The following WWP2 variants were observed in gnomAD, a reference collection of about 807,000 sequenced individuals.
WWP2 encodes WW domain containing E3 ubiquitin protein ligase 2, also known as NEDD4-like E3 ubiquitin-protein ligase WWP2.
WWP2 carries 57 observed loss-of-function variants against 121.0 expected under a neutral mutation model. The ratio of observed to expected loss-of-function variants is 0.47; its 90% confidence interval spans 0.38 to 0.59. The LOEUF (loss-of-function observed/expected upper bound fraction) is 0.59. WWP2 is among the 20% of genes least tolerant of loss of function. WWP2 has a pLI of 0.00. For missense variants in WWP2, 962 were observed against 1,158.9 expected (o/e 0.83, Z 2.47); for synonymous variants, 449 against 441.3 (o/e 1.02, Z -0.22).
At chr16:69,930,344 G>C in intron 13 of WWP2, 86 bp downstream of exon 13, 5 of 1,566,716 alleles carry the variant, frequency 3.2e-6, no homozygotes, top group Non-Finnish European at 4.3e-6. Flanking sequence ...CACTTTGGGT[G>C]GCCCCTGTGG....
At chr16:69,774,682 T>C (rs565309069) in intron 1 of WWP2, 1 of 152,344 alleles carries the variant, frequency 6.6e-6, no homozygotes, top group East Asian at 1.9e-4. Flanking sequence ...TTTTAATTTC[T>C]ATTTTGGCCA....
At position 69,782,775 on chromosome 16, in the gene WWP2, T is replaced by C. The variant is rs141219440; in HGVS notation, c.-15-4221T>C. On this transcript the variant is annotated intron_variant, in intron 1 of 23. Coordinates refer to ENST00000359154, the MANE Select transcript of WWP2 (RefSeq NM_001270454.2). ...ATCTTGGAGCGTGACATTGTTTGAC[T>C]TTAGCTATGGAAAATGTCAACATCA... Among the ~76,000 whole-genome samples, 4 of 152,342 alleles carry C rather than the reference T, an allele frequency of 2.6e-5. No individual in the cohort carries two copies. The East Asian group carries it at 7.7e-4, about 29-fold the overall frequency.
intron 1 of WWP2, 93 bp downstream of exon 1, chr16:69,762,484 CGCGGCCCGGGCGTCGGGGG>C (rs1460252572): frequency 6.8e-6 from 1 of 147,242 alleles, no homozygotes; most frequent in Non-Finnish European, 1.5e-5. Context: ...CCGGGGGCGG[CGCGGCCCGGGCGTCGGGGG>C]GCGGCGGCTT....
chr16:69,796,257 C>T (rs557635215), intron 2 of WWP2, among the ~76,000 whole-genome samples: 11 of 152,210 alleles, frequency 7.2e-5, no homozygotes, highest in Admixed American at 6.5e-5. Flanking sequence ...TGTGTATGAG[C>T]GCAGATACTT....
At chr16:69,939,449 C>T (rs1457478428) in intron 23 of WWP2, 36 bp downstream of exon 23, 4 of 1,610,934 alleles carry the variant, frequency 2.5e-6, no homozygotes, top group Non-Finnish European at 3.4e-6. Context: ...GTCGGGGGGC[C>T]TCAGACCCGA....
intron 8 of WWP2, among the ~76,000 whole-genome samples, chr16:69,888,755 A>C (rs1457527021): frequency 6.6e-6 from 1 of 151,498 alleles, no homozygotes; most frequent in African/African-American, 2.4e-5. Flanking sequence ...CCCAGGCTGG[A>C]GTGCAATGGC....
intron 2 of WWP2, among the ~76,000 whole-genome samples, chr16:69,794,640 C>G (rs1480747267): frequency 6.6e-6 from 1 of 152,190 alleles, no homozygotes; most frequent in East Asian, 1.9e-4. Flanking sequence ...CAACTATGTC[C>G]GATTTCTCTG....
rs1207279224 is a variant in WWP2, at chr16:69,930,218, A to T, written c.1405A>T (p.Thr469Ser). 6.2e-7 allele frequency: 1 copy of T among 1,614,090 alleles called. No homozygotes were observed. The highest frequency in any genetic ancestry group is 8.5e-7 in the Non-Finnish European group (1 of 1,179,988). The change falls in exon 13 of 24, where the codon ACC (threonine) becomes TCC (serine). Residue 469 changes from threonine to serine, a missense_variant. Physicochemically the swap from Thr to Ser is moderately conservative, Grantham distance 58 (BLOSUM62 1). Around this residue, in one of 3 missense-constraint regions of WWP2, gnomAD observed 606 missense variants for 772.6 expected, o/e 0.78. Coordinates refer to ENST00000359154, the MANE Select transcript of WWP2 (RefSeq NM_001270454.2). Reference protein sequence around the residue: ...VRYFVDHNTRTTTFKDPRPGF... With the variant: ...VRYFVDHNTRSTTFKDPRPGF... ...ATACTTTGTGGACCACAATACCCGC[A>T]CCACCACCTTTAAGGATCCTCGCCC...
At position 69,937,857 on chromosome 16, in the gene WWP2, G is replaced by A. The variant is rs570053408; in HGVS notation, c.2343+205G>A. 2.7e-3 allele frequency among the ~76,000 whole-genome samples: 409 copies of A among 152,280 alleles called. 2 individuals are homozygous for A. Among genetic ancestry groups the A allele is most frequent in the Non-Finnish European group, 4.2e-3 (284 of 68,006 alleles). Reference sequence around the variant, plus strand: ...TGGCCAGTGGATGTGACAGGAGGTCGTCAGTGGTCAGCCTTGGGCCAGCTG... The same window carrying A: ...TGGCCAGTGGATGTGACAGGAGGTCATCAGTGGTCAGCCTTGGGCCAGCTG... On this transcript the variant is annotated intron_variant, in intron 21 of 23. Coordinates refer to ENST00000359154, the MANE Select transcript of WWP2 (RefSeq NM_001270454.2). The surrounding 1 kb of genome is among the most constrained non-coding windows in gnomAD (Gnocchi z 6.6).
At chr16:69,929,081 G>A (rs1395769699) in intron 11 of WWP2, among the ~76,000 whole-genome samples, 1 of 152,194 alleles carries the variant, frequency 6.6e-6, no homozygotes, top group East Asian at 1.9e-4. Context: ...GGGGGGCCTG[G>A]CGGGTTAGGG....
In WWP2 at chr16:69,906,576, G is replaced by A. The variant is rs11859668; in HGVS notation, c.915-2185G>A. On this transcript the variant is annotated intron_variant, in intron 8 of 23. Coordinates refer to ENST00000359154, the MANE Select transcript of WWP2 (RefSeq NM_001270454.2). ...CATATGTGCTCCTAAAAGTCAGCAC[G>A]TGATGCAAAATTATGCAGTTAAAAA... Among the ~76,000 whole-genome samples the A allele has an allele frequency of 5.3e-3, 807 of 152,302 alleles. 8 individuals are homozygous for A. Among genetic ancestry groups the A allele is most frequent in the African/African-American group, 0.018 (763 of 41,556 alleles).
chr16:69,938,063 T>TA (rs1271978525), intron 21 of WWP2, among the ~76,000 whole-genome samples: 5 of 152,082 alleles, frequency 3.3e-5, no homozygotes, highest in Non-Finnish European at 7.4e-5. Flanking sequence ...CGTTATGAAA[T>TA]ACAGCATACA....
intron 1 of WWP2, among the ~76,000 whole-genome samples, chr16:69,777,168 G>A (rs2055551240): frequency 6.7e-6 from 1 of 150,156 alleles, no homozygotes; most frequent in South Asian, 2.1e-4. Context: ...ATACACATAT[G>A]GATATACACA....
chr16:69,936,560 A>C, intron 19 of WWP2, 108 bp downstream of exon 19: 1 of 1,488,336 alleles, frequency 6.7e-7, no homozygotes, highest in African/African-American at 1.4e-5. Context: ...TGTGGATGCC[A>C]TTTGCATTTG....
intron 6 of WWP2, among the ~76,000 whole-genome samples, chr16:69,844,291 A>G (rs1229497894): frequency 2.6e-5 from 4 of 152,208 alleles, no homozygotes; most frequent in Admixed American, 6.5e-5. Context: ...AACTGGAGGA[A>G]ACAATTTCTT....
intron 4 of WWP2, among the ~76,000 whole-genome samples, chr16:69,824,973 G>T (rs987270852): frequency 6.6e-6 from 1 of 151,992 alleles, no homozygotes; most frequent in Non-Finnish European, 1.5e-5. Context: ...GTTTCACTTT[G>T]TTGGCCAGGC....
chr16:69,839,221 G>A (rs944157148), intron 4 of WWP2, among the ~76,000 whole-genome samples: 3 of 152,158 alleles, frequency 2.0e-5, no homozygotes, highest in Admixed American at 6.5e-5. Flanking sequence ...GACGGACCCC[G>A]TGGAAATCCT....
intron 8 of WWP2, among the ~76,000 whole-genome samples, chr16:69,893,971 C>T (rs1346085512): frequency 1.3e-5 from 2 of 152,184 alleles, no homozygotes; most frequent in Non-Finnish European, 2.9e-5. Context: ...CCAGGGGACT[C>T]TGTCTTTCTA....
chr16:69,782,346 G>A (rs2055681406), intron 1 of WWP2, among the ~76,000 whole-genome samples: 2 of 152,172 alleles, frequency 1.3e-5, no homozygotes, highest in Admixed American at 1.3e-4. Context: ...AGGTAACTGA[G>A]AAGAGGTAGA....
Sources: allele counts gnomAD v4.1 joint callset (sites outside exome capture counted in the v4.1 genomes callset), GRCh38; gene constraint gnomAD v4.1.1; regional missense constraint gnomAD v4.1.1; non-coding constraint Gnocchi (gnomAD v3.1); transcripts MANE v1.5; gene names NCBI Gene and HGNC (gene_info 2026-07-23, HGNC 2026-07-21).